HFM1: variants seen among roughly 807,000 people sequenced by gnomAD.
HFM1 encodes the protein probable ATP-dependent DNA helicase HFM1.
A neutral mutation model predicts 192.1 loss-of-function variants in HFM1; 169 were observed. The ratio of observed to expected loss-of-function variants is 0.88; its 90% confidence interval spans 0.78 to 1.00. The LOEUF (loss-of-function observed/expected upper bound fraction) is 1.00. Ranked by LOEUF, HFM1 falls within the 50% of genes least tolerant of loss-of-function variation. The probability of loss-of-function intolerance (pLI) is 0.00; values close to 1 mark genes in which losing one functional copy is unlikely to be tolerated. For missense variants in HFM1, 1,661 were observed against 1,668.0 expected (o/e 1.00, Z 0.07); for synonymous variants, 525 against 537.8 (o/e 0.98, Z 0.33).
At chr1:91,329,952 T>C (rs1653557625) in intron 20 of HFM1, among the ~76,000 whole-genome samples, 1 of 152,160 alleles carries the variant, frequency 6.6e-6, no homozygotes, top group African/African-American at 2.4e-5. Context: ...TTGACCCACC[T>C]TGAGAGACAG....
intron 20 of HFM1, among the ~76,000 whole-genome samples, chr1:91,335,660 A>G (rs1654462658): frequency 6.6e-6 from 1 of 152,166 alleles, no homozygotes; most frequent in South Asian, 2.1e-4. Flanking sequence ...GAAATTCAGG[A>G]TATTTCAAAG....
intron 20 of HFM1, among the ~76,000 whole-genome samples, chr1:91,334,466 T>C (rs1462545934): frequency 3.3e-5 from 5 of 152,174 alleles, no homozygotes; most frequent in African/African-American, 1.2e-4. Context: ...GGTTATATTT[T>C]GGATTTGATT....
chr1:91,291,660 C>A (rs1348345611), intron 30 of HFM1, among the ~76,000 whole-genome samples: 1 of 152,104 alleles, frequency 6.6e-6, no homozygotes, highest in South Asian at 2.1e-4. Flanking sequence ...TGAAACTATT[C>A]CAATCAATAG....
rs566465324 is a variant in HFM1, at chr1:91,323,162, A to G, written c.2465T>C (p.Ile822Thr). The G allele has an allele frequency of 8.2e-6, 13 of 1,590,942 alleles. No homozygotes were observed. The highest frequency in any genetic ancestry group is 6.8e-5 in the Admixed American group (4 of 58,588). ...TTTCTTTTCATTTATCCTTAACTGTATATCTAGAAATTCCTTGCAGCCAGC... is the reference window on the plus strand; with the variant it reads ...TTTCTTTTCATTTATCCTTAACTGTGTATCTAGAAATTCCTTGCAGCCAGC... ...LIAGCKEFLD[I>T]QLRINEKKTL... Residue 822 changes from isoleucine to threonine, a missense_variant, in exon 22 of 39, where the codon ATA becomes ACA. Transcript: ENST00000370425.
intron 2 of HFM1, among the ~76,000 whole-genome samples, chr1:91,398,804 T>C (rs951977372): frequency 4.6e-5 from 7 of 152,126 alleles, no homozygotes; most frequent in Non-Finnish European, 7.4e-5. Context: ...GTGATTCTCA[T>C]GCCTCAGCCT....
chr1:91,349,110 A>G (rs1001580402), intron 18 of HFM1, among the ~76,000 whole-genome samples: 31 of 151,956 alleles, frequency 2.0e-4, no homozygotes, highest in Non-Finnish European at 3.1e-4. Context: ...CAACATGGTG[A>G]AGCGCCGTCT....
intron 30 of HFM1, among the ~76,000 whole-genome samples, chr1:91,289,058 T>A (rs554627999): frequency 6.6e-6 from 1 of 150,604 alleles, no homozygotes; most frequent in Admixed American, 6.6e-5. Flanking sequence ...GCCCCCCACC[T>A]CCCGGATGGG....
At chr1:91,367,896 G>A (rs920589939) in intron 13 of HFM1, among the ~76,000 whole-genome samples, 7 of 152,156 alleles carry the variant, frequency 4.6e-5, no homozygotes, top group African/African-American at 1.7e-4. Flanking sequence ...CCAACGCAGA[G>A]AAGTCCTTAA....
chr1:91,311,286 C>T (rs527269369), intron 30 of HFM1, among the ~76,000 whole-genome samples: 92 of 152,226 alleles, frequency 6.0e-4, no homozygotes, highest in Non-Finnish European at 1.2e-3. Flanking sequence ...AATTTCTAAG[C>T]AGCAAAGCAT....
chr1:91,287,086 G>T (rs1668068653), intron 30 of HFM1, among the ~76,000 whole-genome samples: 1 of 152,168 alleles, frequency 6.6e-6, no homozygotes, highest in African/African-American at 2.4e-5. Flanking sequence ...GCTGGGGGAG[G>T]GGTGCCCGCC....
At chr1:91,274,468 A>G (rs1286268423) in intron 33 of HFM1, among the ~76,000 whole-genome samples, 1 of 152,078 alleles carries the variant, frequency 6.6e-6, no homozygotes. Flanking sequence ...TAAAGAGAGA[A>G]CCTAAGGGAA....
intron 30 of HFM1, among the ~76,000 whole-genome samples, chr1:91,307,389 C>G (rs1649784975): frequency 6.6e-6 from 1 of 152,198 alleles, no homozygotes; most frequent in African/African-American, 2.4e-5. Flanking sequence ...TTCATTCCCC[C>G]CAGCATGTCC....
At chr1:91,302,376 G>A (rs1030068051) in intron 30 of HFM1, among the ~76,000 whole-genome samples, 11 of 151,954 alleles carry the variant, frequency 7.2e-5, no homozygotes, top group African/African-American at 1.7e-4. Flanking sequence ...TCAGTGTGGC[G>A]ATTCCTCAGG....
upstream of HFM1, among the ~76,000 whole-genome samples, chr1:91,405,415 A>G (rs1351391658): frequency 6.6e-6 from 1 of 152,242 alleles, no homozygotes; most frequent in African/African-American, 2.4e-5. Context: ...AAGATTTGGC[A>G]GGGAATGTTT....
intron 33 of HFM1, 41 bp from the exon 34 acceptor site, chr1:91,273,856 GGAAA>G: frequency 9.0e-7 from 1 of 1,113,678 alleles, no homozygotes; most frequent in Non-Finnish European, 1.3e-6. Flanking sequence ...AAGAAAATAT[GGAAA>G]TTAATCTAAG....
intron 20 of HFM1, among the ~76,000 whole-genome samples, chr1:91,335,898 A>T (rs1009931779): frequency 6.6e-6 from 1 of 152,010 alleles, no homozygotes; most frequent in Non-Finnish European, 1.5e-5. Flanking sequence ...TACATCTATA[A>T]GAGTTCCTAT....
chr1:91,393,266 ACT>A lies in HFM1; in HGVS notation c.494+825_494+826del, dbSNP rs529905534. Among the ~76,000 whole-genome samples the A allele has an allele frequency of 2.1e-3, 324 of 151,850 alleles. 1 individual carries two copies. Among genetic ancestry groups the A allele is most frequent in the African/African-American group, 7.4e-3 (307 of 41,402 alleles). ...TCCATTCTTCTCATTCTTGCTCAATACTCTCACTTTCTCTCTCAAACTCCACA... is the reference window on the plus strand; with the variant it reads ...TCCATTCTTCTCATTCTTGCTCAATACTCACTTTCTCTCTCAAACTCCACA... On this transcript the variant is annotated intron_variant, in intron 4 of 38. Transcript: ENST00000370425.
At chr1:91,368,121 T>C (rs200468584) in intron 13 of HFM1, among the ~76,000 whole-genome samples, 3 of 152,208 alleles carry the variant, frequency 2.0e-5, no homozygotes, top group Non-Finnish European at 2.9e-5. Context: ...CTACATCTCA[T>C]TGGTGTACCT....
At position 91,261,323 on chromosome 1, in the gene HFM1, C is replaced by A; in HGVS notation, c.4275G>T (p.Lys1425Asn). ...YHPDDEADEMKSLLGIFDGIF is the reference protein window; with the variant it reads ...YHPDDEADEMNSLLGIFDGIF Reference sequence around the variant, plus strand: ...TACCATCAAATATTCCCAATAAAGACTTCATTTCATCAGCTTCATCATCAG... The same window carrying A: ...TACCATCAAATATTCCCAATAAAGAATTCATTTCATCAGCTTCATCATCAG... Residue 1425 changes from lysine to asparagine, a missense_variant, in exon 39 of 39, where the codon AAG becomes AAT. Lys to Asn is a moderately conservative substitution (Grantham distance 94, BLOSUM62 0). Transcript: ENST00000370425. The A allele has an allele frequency of 7.0e-7, 1 of 1,420,212 alleles. No individual in the cohort carries two copies. Among genetic ancestry groups the A allele is most frequent in the Non-Finnish European group, 9.3e-7 (1 of 1,074,108 alleles). The allele number at this position is 1,420,212 out of a possible 1,614,324, so 88.0% of individuals were successfully genotyped here. A position where few individuals can be genotyped will look rare whatever the true frequency, so the allele number is the denominator to read the frequency against.
Sources: gnomAD v4.1 joint callset for allele counts (sites outside exome capture counted in the v4.1 genomes callset) on GRCh38, gnomAD v4.1.1 for gene constraint, MANE v1.5 for transcripts, NCBI Gene and HGNC (gene_info 2026-07-23, HGNC 2026-07-21) for gene names.